ERC1: variants seen among roughly 807,000 people sequenced by gnomAD.
ERC1 encodes RAB6 interacting protein 2.
ERC1 carries 56 observed loss-of-function variants against 132.0 expected under a neutral mutation model. The observed-to-expected ratio is 0.42, with a 90% CI of 0.34 to 0.53. The LOEUF is 0.53. Ranked by LOEUF, ERC1 falls within the 20% of genes least tolerant of loss-of-function variation. The probability of loss-of-function intolerance (pLI) is 0.03; values close to 1 mark genes in which losing one functional copy is unlikely to be tolerated. For synonymous variants in ERC1, 478 were observed against 476.1 expected, an observed-to-expected ratio of 1.00 and a Z score of -0.05; for missense variants, 1,202 against 1,349.9, an observed-to-expected ratio of 0.89 and a Z score of 1.72.
At chr12:1,120,043 AG>A (rs1232773129) in intron 7 of ERC1, among the ~76,000 whole-genome samples, 3 of 151,936 alleles carry the variant, frequency 2.0e-5, no homozygotes, top group Admixed American at 6.6e-5. Context: ...GCTGTAGTGC[AG>A]TGCCTTGATC....
At chr12:1,407,356 T>C (rs143100200) in intron 16 of ERC1, among the ~76,000 whole-genome samples, 1 of 152,216 alleles carries the variant, frequency 6.6e-6, no homozygotes, top group East Asian at 1.9e-4. Context: ...GTAATAGTTG[T>C]TCAATTGATT....
chr12:1,421,523 G>A (rs193027597), intron 17 of ERC1, among the ~76,000 whole-genome samples: 15 of 152,236 alleles, frequency 9.9e-5, no homozygotes, highest in Admixed American at 3.9e-4. Context: ...TCACAAGACC[G>A]GTTGAGTCAG....
chr12:1,242,432 A>G (rs2075869864), intron 13 of ERC1, among the ~76,000 whole-genome samples: 1 of 152,202 alleles, frequency 6.6e-6, no homozygotes, highest in Non-Finnish European at 1.5e-5. Context: ...TATTTTCTAA[A>G]GAAAGCTAAT....
chr12:1,421,830 A>G (rs2092440908), intron 17 of ERC1, among the ~76,000 whole-genome samples: 1 of 151,812 alleles, frequency 6.6e-6, no homozygotes, highest in African/African-American at 2.4e-5. Context: ...ATCCTGGCCA[A>G]CATGGTGAAA....
chr12:1,220,671 G>A (rs1050360109), intron 12 of ERC1, among the ~76,000 whole-genome samples: 1 of 152,132 alleles, frequency 6.6e-6, no homozygotes, highest in Non-Finnish European at 1.5e-5. Flanking sequence ...TGTAAAACCT[G>A]CAAGCTAAGA....
At chr12:1,434,138 C>G (rs1278906547) in intron 17 of ERC1, among the ~76,000 whole-genome samples, 2 of 152,088 alleles carry the variant, frequency 1.3e-5, no homozygotes, top group African/African-American at 2.4e-5. Context: ...TATCATTTCA[C>G]TCTTTAATCT....
intron 12 of ERC1, among the ~76,000 whole-genome samples, chr12:1,222,252 C>G (rs912368435): frequency 6.8e-6 from 1 of 146,878 alleles, no homozygotes; most frequent in East Asian, 2.0e-4. Context: ...TTTGAGGAGA[C>G]AGGGTCTCGC....
Position 1,394,039 on chromosome 12 carries a change from A to G in ERC1, c.2926-14110A>G, listed in dbSNP as rs1006110796. ...TCAAAAAAAAAAAAAAAAAACAAAA[A>G]AAAAACCACAAAGCATTAAGCAATT... On this transcript the variant is annotated intron_variant, in intron 16 of 18. Coordinates refer to ENST00000360905, the MANE Select transcript of ERC1 (RefSeq NM_178040.4). Among the ~76,000 whole-genome samples the G allele has an allele frequency of 8.6e-4, 70 of 81,548 alleles. 2 individuals are homozygous for G. Among genetic ancestry groups the G allele is most frequent in the Admixed American group, 5.1e-3 (45 of 8,814 alleles). 53.5% of individuals were successfully genotyped at this position (81,548 alleles called of 152,430 possible).
intron 18 of ERC1, among the ~76,000 whole-genome samples, chr12:1,445,995 G>A (rs796130763): frequency 8.5e-5 from 13 of 152,246 alleles, no homozygotes; most frequent in African/African-American, 2.9e-4. Flanking sequence ...GTGTCCTGTC[G>A]CATGCTGCTG....
rs908066621 is a variant in ERC1 at position 1,494,483 on chromosome 12, C to T, written c.*4253C>T. On this transcript the variant is annotated 3_prime_UTR_variant, in exon 19 of 19. Coordinates refer to ENST00000360905, the MANE Select transcript of ERC1 (RefSeq NM_178040.4). Reference sequence around the variant, plus strand: ...GAAAAGACATACATTACAGGGAAATCCTTCTGAACAAAATGGCTATCTTCA... The same window carrying T: ...GAAAAGACATACATTACAGGGAAATTCTTCTGAACAAAATGGCTATCTTCA... 4 of 231,984 alleles carry T rather than the reference C, an allele frequency of 1.7e-5. No homozygotes were observed. Among genetic ancestry groups the T allele is most frequent in the Non-Finnish European group, 3.4e-5 (4 of 117,360 alleles). The allele number at this position is 231,984 out of a possible 1,614,324, so 14.4% of individuals were successfully genotyped here. A position where few individuals can be genotyped will look rare whatever the true frequency, so the allele number is the denominator to read the frequency against.
At chr12:1,171,926 C>T (rs1953108302) in intron 8 of ERC1, among the ~76,000 whole-genome samples, 1 of 152,124 alleles carries the variant, frequency 6.6e-6, no homozygotes, top group Non-Finnish European at 1.5e-5. Context: ...TAAATCTGTG[C>T]CAATGTGGAA....
chr12:1,037,876 C>T (rs1969386895), intron 2 of ERC1, among the ~76,000 whole-genome samples: 1 of 151,816 alleles, frequency 6.6e-6, no homozygotes, highest in Non-Finnish European at 1.5e-5. Flanking sequence ...AACCCTGTCT[C>T]TACTAAAAAT....
intron 7 of ERC1, among the ~76,000 whole-genome samples, chr12:1,128,373 A>G (rs1948420527): frequency 6.6e-6 from 1 of 152,198 alleles, no homozygotes; most frequent in South Asian, 2.1e-4. Flanking sequence ...AAGCTGAAGT[A>G]GCACTAGGTT....
chr12:1,130,516 A>T (rs1948654793), intron 7 of ERC1, among the ~76,000 whole-genome samples: 1 of 152,296 alleles, frequency 6.6e-6, no homozygotes, highest in African/African-American at 2.4e-5. Context: ...CACTTATTGC[A>T]GTATACTTTG....
At chr12:1,048,388 C>T (rs2154166479) in intron 2 of ERC1, among the ~76,000 whole-genome samples, 1 of 152,282 alleles carries the variant, frequency 6.6e-6, no homozygotes, top group Admixed American at 6.5e-5. Context: ...TGACAGATGG[C>T]TTCCCCTCCT....
Position 1,475,191 on chromosome 12 carries a change from A to G in ERC1, c.3214-14902A>G, listed in dbSNP as rs575752809. ...GTATGGTTTATGTGCCCTGCTGTCT[A>G]CCAAAGGGCCTGTATCATCAGATTG... On this transcript the variant is annotated intron_variant, in intron 18 of 18. Coordinates refer to ENST00000360905, the MANE Select transcript of ERC1 (RefSeq NM_178040.4). Among the ~76,000 whole-genome samples, 61 of 152,352 alleles carry G rather than the reference A, an allele frequency of 4.0e-4. 1 individual carries two copies. In the South Asian group the frequency reaches 8.7e-3, roughly 22 times the overall value.
intron 2 of ERC1, among the ~76,000 whole-genome samples, chr12:1,039,668 A>G (rs929325941): frequency 1.3e-5 from 2 of 152,254 alleles, no homozygotes; most frequent in African/African-American, 4.8e-5. Context: ...CTAAATTTAG[A>G]GTAAGGAATG....
chr12:1,460,771 A>G (rs553109342), intron 18 of ERC1, among the ~76,000 whole-genome samples: 3 of 151,434 alleles, frequency 2.0e-5, no homozygotes, highest in East Asian at 3.9e-4. Context: ...TATAACAGGG[A>G]TGTATAATAG....
intron 1 of ERC1, among the ~76,000 whole-genome samples, chr12:1,025,331 G>A (rs895338789): frequency 6.6e-6 from 1 of 152,054 alleles, no homozygotes; most frequent in East Asian, 1.9e-4. Context: ...TTTCAAAATT[G>A]GCATTTCCCG....
Sources: allele counts gnomAD v4.1 joint callset (sites outside exome capture counted in the v4.1 genomes callset), GRCh38; gene constraint gnomAD v4.1.1; transcripts MANE v1.5; gene names NCBI Gene and HGNC (gene_info 2026-07-23, HGNC 2026-07-21).